ROCK2: variants seen among roughly 807,000 people sequenced by gnomAD.
ROCK2 encodes rho-associated protein kinase 2.
Under a neutral mutation model 195.1 loss-of-function variants are expected in ROCK2, and 61 were observed. The ratio of observed to expected loss-of-function variants is 0.31; its 90% confidence interval spans 0.25 to 0.39. The LOEUF (loss-of-function observed/expected upper bound fraction) is 0.39. Ranked by LOEUF, ROCK2 falls within the 10% of genes least tolerant of loss-of-function variation. The pLI is 1.00. For synonymous variants in ROCK2, 504 were observed against 545.5 expected (o/e 0.92, Z 1.06); for missense variants, 1,109 against 1,637.4 (o/e 0.68, Z 5.57).
intron 1 of ROCK2, among the ~76,000 whole-genome samples, chr2:11,329,843 A>G (rs1441180526): frequency 6.6e-6 from 1 of 152,198 alleles, no homozygotes; most frequent in Non-Finnish European, 1.5e-5. Flanking sequence ...CCTGAATATA[A>G]CAACATAAAC....
intron 1 of ROCK2, among the ~76,000 whole-genome samples, chr2:11,304,804 C>A (rs544182532): frequency 1.3e-5 from 2 of 152,258 alleles, no homozygotes; most frequent in East Asian, 3.9e-4. Flanking sequence ...CGGTACCCTA[C>A]ACAAGAAGTA....
intron 1 of ROCK2, among the ~76,000 whole-genome samples, chr2:11,303,020 C>T (rs1667753124): frequency 1.3e-5 from 2 of 152,152 alleles, no homozygotes; most frequent in Non-Finnish European, 2.9e-5. Context: ...ATTCAACACT[C>T]ATTCATTTGC....
chr2:11,198,674 T>C lies in ROCK2; in HGVS notation c.3004+7A>G, dbSNP rs757237599. 6.3e-7 allele frequency: 1 copy of C among 1,591,806 alleles called. No individual in the cohort carries two copies. The highest frequency in any genetic ancestry group is 8.6e-7 in the Non-Finnish European group (1 of 1,164,526). ...ATTAAAAATAAACATTTTTTGTTAA[T>C]ACATACGCTCTTGAACATCTTTCAA... On this transcript the variant is annotated splice_region_variant and intron_variant, in intron 24 of 32. Transcript: ENST00000315872.
At chr2:11,289,967 C>T (rs1174067480) in intron 1 of ROCK2, among the ~76,000 whole-genome samples, 3 of 152,114 alleles carry the variant, frequency 2.0e-5, no homozygotes, top group Non-Finnish European at 2.9e-5. Flanking sequence ...ATTATTTTTA[C>T]GTAGCATCAA....
chr2:11,205,046 T>A (rs1162293497), intron 20 of ROCK2, among the ~76,000 whole-genome samples: 1 of 152,194 alleles, frequency 6.6e-6, no homozygotes, highest in South Asian at 2.1e-4. Context: ...CAGTTTAAGA[T>A]GAGAGGCTTT....
chr2:11,308,668 A>G (rs2148227265), intron 1 of ROCK2: 2 of 1,486,274 alleles, frequency 1.3e-6, no homozygotes, highest in Non-Finnish European at 9.4e-7. Flanking sequence ...AAGAAGATAC[A>G]TATGTTCATT....
At chr2:11,277,530 C>A (rs1291347667) in intron 3 of ROCK2, among the ~76,000 whole-genome samples, 2 of 152,144 alleles carry the variant, frequency 1.3e-5, no homozygotes, top group Non-Finnish European at 2.9e-5. Flanking sequence ...CATTCTTATG[C>A]CTTTGCGTAC....
intron 3 of ROCK2, among the ~76,000 whole-genome samples, chr2:11,252,230 G>C (rs1665856010): frequency 6.6e-6 from 1 of 152,082 alleles, no homozygotes; most frequent in Admixed American, 6.5e-5. Context: ...GGCCAACATG[G>C]TGAAACCCCG....
rs576070872 is a variant in ROCK2 at position 11,289,358 on chromosome 2, T to C, written c.142-1622A>G. ...AGGCTATTTTTAAGTACCAAATCAA[T>C]GTATCTTTATTAGTATAATTTTGAT... On this transcript the variant is annotated intron_variant, in intron 1 of 32. Coordinates refer to ENST00000315872, the MANE Select transcript of ROCK2 (RefSeq NM_004850.5). 1.9e-3 allele frequency among the ~76,000 whole-genome samples: 287 copies of C among 152,294 alleles called. 1 individual carries two copies. The highest frequency in any genetic ancestry group is 0.014 in the Middle Eastern group (4 of 294).
intron 1 of ROCK2, among the ~76,000 whole-genome samples, chr2:11,312,306 C>T (rs149733106): frequency 6.6e-6 from 1 of 152,182 alleles, no homozygotes; most frequent in East Asian, 1.9e-4. Flanking sequence ...TAAAAGCACA[C>T]ATTTAAAGTG....
chr2:11,326,702 TAA>T (rs1167531348), intron 1 of ROCK2, among the ~76,000 whole-genome samples: 1 of 152,140 alleles, frequency 6.6e-6, no homozygotes, highest in African/African-American at 2.4e-5. Context: ...AGAGAGAGAT[TAA>T]AGACATAGCG....
chr2:11,333,292 A>G (rs1668824136), intron 1 of ROCK2, among the ~76,000 whole-genome samples: 1 of 152,220 alleles, frequency 6.6e-6, no homozygotes, highest in Non-Finnish European at 1.5e-5. Context: ...AGAGCTAATA[A>G]GAGACTGAAA....
chr2:11,186,280 T>C (rs764977529), intron 32 of ROCK2, among the ~76,000 whole-genome samples: 7 of 152,124 alleles, frequency 4.6e-5, no homozygotes, highest in Non-Finnish European at 1.0e-4. Context: ...GCTTGGGAGA[T>C]TGTGATCAGC....
intron 3 of ROCK2, 96 bp downstream of exon 3, chr2:11,286,443 G>A (rs947571222): frequency 1.3e-6 from 1 of 748,172 alleles, no homozygotes; most frequent in South Asian, 1.8e-5. Flanking sequence ...TTCTGGCATG[G>A]GTGGGCATAG....
At chr2:11,302,195 TCTAATC>T (rs1667728390) in intron 1 of ROCK2, among the ~76,000 whole-genome samples, 1 of 152,244 alleles carries the variant, frequency 6.6e-6, no homozygotes, top group African/African-American at 2.4e-5. Context: ...TTTCCCTGCC[TCTAATC>T]TCCCTCTGCT....
At chr2:11,184,150 T>C (rs562599291) in intron 32 of ROCK2, among the ~76,000 whole-genome samples, 2 of 152,330 alleles carry the variant, frequency 1.3e-5, no homozygotes, top group East Asian at 3.9e-4. Context: ...CATTAAATTC[T>C]CACAAAGCAA....
At chr2:11,312,851 A>G (rs763269273) in intron 1 of ROCK2, among the ~76,000 whole-genome samples, 10 of 152,144 alleles carry the variant, frequency 6.6e-5, no homozygotes, top group African/African-American at 9.6e-5. Flanking sequence ...GCATATTTCT[A>G]CGTGAAAGAA....
At chr2:11,195,297 A>G (rs1663587796) in intron 27 of ROCK2, 1 of 190,602 alleles carries the variant, frequency 5.2e-6, no homozygotes, top group Non-Finnish European at 1.0e-5. Context: ...ATGCATTTAT[A>G]AAATTCAGGA....
In ROCK2 at chr2:11,343,984, C is replaced by A; in HGVS notation, c.141+12G>T. 1 of 1,586,004 alleles carries A rather than the reference C, an allele frequency of 6.3e-7. No individual in the cohort carries two copies. Among genetic ancestry groups the A allele is most frequent in the South Asian group, 1.1e-5 (1 of 89,682 alleles). ...GCTGCAACGAGCAAGCTCCCAGGCCCCGGCCACCTACCAGCAAGCTCTCCA... is the reference window on the plus strand; with the variant it reads ...GCTGCAACGAGCAAGCTCCCAGGCCACGGCCACCTACCAGCAAGCTCTCCA... On this transcript the variant is annotated intron_variant, in intron 1 of 32. Transcript: ENST00000315872.
Sources: allele counts gnomAD v4.1 joint callset (sites outside exome capture counted in the v4.1 genomes callset), GRCh38; gene constraint gnomAD v4.1.1; transcripts MANE v1.5; gene names NCBI Gene and HGNC (gene_info 2026-07-23, HGNC 2026-07-21).